Variants in PEPD observed in about 807,000 individuals in gnomAD.
PEPD encodes the protein xaa-Pro dipeptidase.
A neutral mutation model predicts 60.7 loss-of-function variants in PEPD; 53 were observed. The observed-to-expected ratio is 0.87, with a 90% CI of 0.70 to 1.10. PEPD has a LOEUF of 1.10. PEPD is among the 50% of genes least tolerant of loss of function. The pLI is 0.00. For synonymous variants in PEPD, 267 were observed against 284.1 expected (o/e 0.94, Z 0.60); for missense variants, 711 against 711.9 (o/e 1.00, Z 0.01).
In PEPD at chr19:33,405,171, G is replaced by C. The variant is rs183072191; in HGVS notation, c.819-3302C>G. Among the ~76,000 whole-genome samples the C allele has an allele frequency of 5.8e-4, 88 of 152,292 alleles. 2 individuals carry two copies. Among genetic ancestry groups the C allele is most frequent in the Admixed American group, 5.6e-3 (86 of 15,300 alleles). On this transcript the variant is annotated intron_variant, in intron 11 of 14. Transcript: ENST00000244137. ...AGGGCTCTGTTTCTGGCTCCTTCTG[G>C]GTAGCTTTGGGCCTGGGCTACCTGC...
At chr19:33,473,969 G>A (rs1396483545) in intron 7 of PEPD, among the ~76,000 whole-genome samples, 4 of 152,224 alleles carry the variant, frequency 2.6e-5, no homozygotes, top group Admixed American at 1.3e-4. Context: ...ATGAGAAAGC[G>A]AGTTTGCCTG....
chr19:33,501,706 T>G (rs1970717794), intron 3 of PEPD, among the ~76,000 whole-genome samples: 1 of 151,756 alleles, frequency 6.6e-6, no homozygotes, highest in African/African-American at 2.4e-5. Flanking sequence ...TATTACTATT[T>G]TATTTTATGT....
At chr19:33,506,850 C>G (rs1185593397) in intron 3 of PEPD, among the ~76,000 whole-genome samples, 1 of 150,808 alleles carries the variant, frequency 6.6e-6, no homozygotes, top group African/African-American at 2.4e-5. Context: ...ACATTCACCC[C>G]TCCTCATAAA....
intron 12 of PEPD, among the ~76,000 whole-genome samples, chr19:33,393,396 C>T (rs1348703012): frequency 6.6e-6 from 1 of 152,084 alleles, no homozygotes; most frequent in Admixed American, 6.5e-5. Context: ...ACACCCCTGG[C>T]TGGCCCAGCC....
At chr19:33,413,180 C>T (rs1968814583) in intron 10 of PEPD, among the ~76,000 whole-genome samples, 1 of 152,250 alleles carries the variant, frequency 6.6e-6, no homozygotes, top group African/African-American at 2.4e-5. Flanking sequence ...GACCCTTCCA[C>T]ACTCCACCCC....
chr19:33,483,530 C>T (rs1970347153), intron 6 of PEPD, among the ~76,000 whole-genome samples: 2 of 152,174 alleles, frequency 1.3e-5, no homozygotes, highest in Non-Finnish European at 2.9e-5. Flanking sequence ...TGCTCCTTAG[C>T]CAGGTGTGGT....
intron 11 of PEPD, among the ~76,000 whole-genome samples, chr19:33,410,703 T>C (rs1250776634): frequency 1.3e-5 from 2 of 152,146 alleles, no homozygotes; most frequent in Non-Finnish European, 2.9e-5. Context: ...AGGAGGCTTG[T>C]TCGGGTGCAT....
intron 9 of PEPD, among the ~76,000 whole-genome samples, chr19:33,424,455 T>G (rs1229992275): frequency 2.0e-5 from 3 of 152,200 alleles, no homozygotes; most frequent in African/African-American, 7.2e-5. Flanking sequence ...TATTCTGGGA[T>G]CCACACCTGT....
At chr19:33,422,839 C>CT (rs1568463742) in intron 9 of PEPD, among the ~76,000 whole-genome samples, 18 of 39,862 alleles carry the variant, frequency 4.5e-4, no homozygotes, top group East Asian at 1.7e-3. Context: ...TCTATCTATC[C>CT]ATCTATCCAT....
intron 13 of PEPD, chr19:33,388,856 G>C (rs1230644367): frequency 6.8e-6 from 1 of 147,962 alleles, no homozygotes; most frequent in African/African-American, 2.4e-5. Flanking sequence ...AGGCACAGCT[G>C]AGGGGGCCTC....
At chr19:33,510,844 C>A (rs1970911550) in intron 3 of PEPD, among the ~76,000 whole-genome samples, 184 bp downstream of exon 3, 1 of 152,210 alleles carries the variant, frequency 6.6e-6, no homozygotes, top group African/African-American at 2.4e-5. Context: ...ACATCCCTTC[C>A]CAGCCAAGGG....
At chr19:33,490,555 T>C (rs577810410) in intron 5 of PEPD, among the ~76,000 whole-genome samples, 13 of 152,326 alleles carry the variant, frequency 8.5e-5, no homozygotes, top group Admixed American at 7.2e-4. Context: ...CATCCCTCTC[T>C]TAACTCCAAG....
At chr19:33,399,546 G>T (rs1181343651) in intron 12 of PEPD, among the ~76,000 whole-genome samples, 2 of 152,056 alleles carry the variant, frequency 1.3e-5, no homozygotes, top group Non-Finnish European at 2.9e-5. Context: ...CTCAGCCTCT[G>T]GTGGGGGCTC....
chr19:33,476,248 C>T (rs11667059), intron 7 of PEPD, among the ~76,000 whole-genome samples: 11,404 of 152,180 alleles, frequency 0.075, 526 homozygotes, highest in Non-Finnish European at 0.11. Context: ...TGAGGGGCGT[C>T]GGACCCACTG....
In PEPD at chr19:33,496,601, T is replaced by G. The variant is rs115390146; in HGVS notation, c.394-3264A>C. 3.7e-3 allele frequency among the ~76,000 whole-genome samples: 566 copies of G among 152,258 alleles called. 2 individuals carry two copies. The highest frequency in any genetic ancestry group is 0.013 in the African/African-American group (549 of 41,546). On this transcript the variant is annotated intron_variant, in intron 4 of 14. Coordinates refer to ENST00000244137, the MANE Select transcript of PEPD (RefSeq NM_000285.4). ...CTGTGCGTTGCTGGCTCCCGATGTA[T>G]CCCCAGCACACAAGACAGCACGGCT...
At chr19:33,470,407 T>TCC (rs1431421115) in intron 7 of PEPD, among the ~76,000 whole-genome samples, 2 of 151,920 alleles carry the variant, frequency 1.3e-5, no homozygotes, top group African/African-American at 4.8e-5. Context: ...CCATGTGCTC[T>TCC]CCCAGCCTCC....
At chr19:33,521,662 A>G (rs1971138464) in intron 1 of PEPD, 82 bp downstream of exon 1, 1 of 1,428,670 alleles carries the variant, frequency 7.0e-7, no homozygotes, top group Non-Finnish European at 9.6e-7. Context: ...ACCCCGGCTG[A>G]CGCTCTCACC....
intron 7 of PEPD, among the ~76,000 whole-genome samples, chr19:33,466,704 G>A (rs1381850485): frequency 6.6e-6 from 1 of 150,832 alleles, no homozygotes; most frequent in Non-Finnish European, 1.5e-5. Flanking sequence ...TCCTGTTTAT[G>A]TGAACTTTCT....
intron 5 of PEPD, 94 bp downstream of exon 5, chr19:33,493,196 C>T (rs1970532965): frequency 3.4e-6 from 3 of 886,454 alleles, no homozygotes; most frequent in Non-Finnish European, 5.6e-6. Context: ...TTTTAATCCT[C>T]CCCTATGGGC....
Sources: gnomAD v4.1 joint callset for allele counts (sites outside exome capture counted in the v4.1 genomes callset) on GRCh38, gnomAD v4.1.1 for gene constraint, MANE v1.5 for transcripts, NCBI Gene and HGNC (gene_info 2026-07-23, HGNC 2026-07-21) for gene names.